Variants in DNAH17 observed in about 807,000 individuals in gnomAD.
The protein encoded by DNAH17 is axonemal beta dynein heavy chain 17.
Under a neutral mutation model 485.6 loss-of-function variants are expected in DNAH17, and 376 were observed. That is an observed-to-expected ratio of 0.77 (90% confidence interval 0.71 to 0.84). DNAH17 has a LOEUF of 0.84. DNAH17 is among the 40% of genes least tolerant of loss of function. DNAH17 has a pLI of 0.00. For synonymous variants in DNAH17, 3,031 were observed against 2,405.9 expected (o/e 1.26, Z -7.60); for missense variants, 6,370 against 5,839.3 (o/e 1.09, Z -2.96).
chr17:78,500,368 G>C lies in DNAH17; in HGVS notation c.5577C>G (p.Asp1859Glu). 6.2e-7 allele frequency: 1 copy of C among 1,612,444 alleles called. No individual in the cohort carries two copies. Among genetic ancestry groups the C allele is most frequent in the South Asian group, 1.1e-5 (1 of 90,774 alleles). Residue 1859 changes from aspartate (D) to glutamate (E), a missense_variant, in exon 36 of 81, where the codon GAC becomes GAG. Transcript: ENST00000389840. Reference protein sequence around the residue: ...AGTGKTETTKDLGRALGTMVY... With the variant: ...AGTGKTETTKELGRALGTMVY... Reference sequence around the variant, plus strand: ...CCATGGTGCCCAGGGCTCTGCCCAGGTCCTTGGTCGTCTCAGTCTTGCCGG... The same window carrying C: ...CCATGGTGCCCAGGGCTCTGCCCAGCTCCTTGGTCGTCTCAGTCTTGCCGG...
chr17:78,572,826 G>C lies in DNAH17; in HGVS notation c.414C>G (p.Ile138Met), dbSNP rs189292979. Residue 138 changes from isoleucine to methionine, a missense_variant, in exon 3 of 81, where the codon ATC becomes ATG. Coordinates refer to ENST00000389840, the MANE Select transcript of DNAH17 (RefSeq NM_173628.4). ...AGWPQVVSED[I>M]VKQVHRLKNE... Reference sequence around the variant, plus strand: ...TCTTCAGCCTGTGGACCTGCTTCACGATGTCTTCCGAGACCACCTGGGGCC... The same window carrying C: ...TCTTCAGCCTGTGGACCTGCTTCACCATGTCTTCCGAGACCACCTGGGGCC... The C allele has an allele frequency of 5.1e-4, 821 of 1,613,924 alleles. 2 individuals carry two copies. In the African/African-American group the frequency reaches 0.01, roughly 20 times the overall value.
rs189137994 is a variant in DNAH17 at position 78,502,667 on chromosome 17, G to A, written c.5114C>T (p.Thr1705Met). The A allele has an allele frequency of 6.7e-5, 108 of 1,612,502 alleles. No individual in the cohort carries two copies. The highest frequency in any genetic ancestry group is 8.5e-5 in the Non-Finnish European group (100 of 1,179,908). The change falls in exon 33 of 81, where the codon ACG becomes ATG. Residue 1705 changes from threonine (T) to methionine (M), a missense_variant. Coordinates refer to ENST00000389840, the MANE Select transcript of DNAH17 (RefSeq NM_173628.4). ...GGCAAATGCCAGGCCCACCTCGGTC[G>A]TCCACCAGATCTGGGTGCAAGTCAG... ...VALTCTQIWW[T>M]TEVGLAFARL...
rs1032380512 is a variant in DNAH17, at chr17:78,575,022, C to T, written c.36G>A (p.Leu12=). 3 of 1,613,816 alleles carry T rather than the reference C, an allele frequency of 1.9e-6. No individual in the cohort carries two copies. The African/African-American group carries it at 4.0e-5, about 22-fold the overall frequency. ...TMAPDVRLEY[L]EEVASIVLKF... is the part of the protein sequence containing the mutation. ...TCAGGACGATGGAGGCAACTTCCTC[C>T]AGATACTCTAGTCTGACGTCCGGGG... The change falls in exon 2 of 81, where the codon CTG becomes CTA. Residue 12 remains leucine (L), a synonymous_variant. Coordinates refer to ENST00000389840, the MANE Select transcript of DNAH17 (RefSeq NM_173628.4).
chr17:78,522,233 G>A (rs1006031929), intron 25 of DNAH17: 8 of 177,320 alleles, frequency 4.5e-5, no homozygotes, highest in Non-Finnish European at 8.3e-5. Flanking sequence ...CAGCTGAGCC[G>A]AGCCACGGCC....
intron 13 of DNAH17, among the ~76,000 whole-genome samples, 156 bp from the exon 14 acceptor site, chr17:78,558,410 G>A (rs942043942): frequency 6.7e-6 from 1 of 148,440 alleles, no homozygotes; most frequent in African/African-American, 2.5e-5. Context: ...GGACCAGGAC[G>A]TTTTCACCCT....
chr17:78,490,370 A>G (rs2089795074), intron 44 of DNAH17, among the ~76,000 whole-genome samples: 1 of 151,644 alleles, frequency 6.6e-6, no homozygotes, highest in African/African-American at 2.4e-5. Context: ...AGGCAGCCTG[A>G]CCCTTTGGAT....
At chr17:78,433,597 C>T (rs1182303964) in intron 75 of DNAH17, among the ~76,000 whole-genome samples, 1 of 152,190 alleles carries the variant, frequency 6.6e-6, no homozygotes, top group African/African-American at 2.4e-5. Context: ...TCTCTCCAGA[C>T]ACTGACAGAG....
chr17:78,426,825 C>G, intron 78 of DNAH17, 101 bp downstream of exon 78: 1 of 1,423,028 alleles, frequency 7.0e-7, no homozygotes, highest in Non-Finnish European at 9.6e-7. Flanking sequence ...CAGTACCATG[C>G]TGATCCGGGG....
chr17:78,435,315 C>T (rs967918782), intron 74 of DNAH17, among the ~76,000 whole-genome samples: 7 of 152,198 alleles, frequency 4.6e-5, no homozygotes, highest in African/African-American at 1.2e-4. Flanking sequence ...CCAGCCTACC[C>T]GCACTCAGGT....
chr17:78,539,408 C>A (rs555797756), intron 18 of DNAH17, among the ~76,000 whole-genome samples: 5 of 152,180 alleles, frequency 3.3e-5, no homozygotes, highest in South Asian at 4.2e-4. Context: ...GACCCTCCCC[C>A]CAATCCACAT....
In DNAH17 at chr17:78,539,862, T is replaced by A. The variant is rs1225725906; in HGVS notation, c.2551A>T (p.Arg851Trp). ...AMVAENAELF[R>W]ADTLSLPWKD... Reference sequence around the variant, plus strand: ...CAGGGCAGGCTCAGTGTGTCTGCCCTGAATAGTTCTGCGTTTTCCTGCAAA... The same window carrying A: ...CAGGGCAGGCTCAGTGTGTCTGCCCAGAATAGTTCTGCGTTTTCCTGCAAA... The change falls in exon 18 of 81, where the codon AGG (arginine) becomes TGG (tryptophan). Residue 851 changes from arginine (R) to tryptophan (W), a missense_variant. By Grantham distance (101) the Arg-to-Trp change is moderately radical. Transcript: ENST00000389840. The A allele has an allele frequency of 6.3e-7, 1 of 1,594,994 alleles. No individual in the cohort carries two copies. Among genetic ancestry groups the A allele is most frequent in the Admixed American group, 1.8e-5 (1 of 54,804 alleles).
intron 33 of DNAH17, chr17:78,502,233 T>A (rs1010001088): frequency 2.3e-5 from 8 of 351,766 alleles, no homozygotes; most frequent in Non-Finnish European, 4.1e-5. Flanking sequence ...TGCAGTGTCA[T>A]GCTTGGGTTG....
intron 69 of DNAH17, among the ~76,000 whole-genome samples, chr17:78,446,165 C>T (rs2087284597): frequency 1.5e-5 from 1 of 68,758 alleles, no homozygotes; most frequent in African/African-American, 5.8e-5. Context: ...CAGAGTGAGA[C>T]TCTGTCTCAA....
In DNAH17 at chr17:78,455,750, T is replaced by TC; in HGVS notation, c.10063dup (p.Asp3355GlyfsTer22). 1 of 1,613,308 alleles carries TC rather than the reference T, an allele frequency of 6.2e-7. No individual in the cohort carries two copies. Among genetic ancestry groups the TC allele is most frequent in the Non-Finnish European group, 8.5e-7 (1 of 1,179,644 alleles). On this transcript the variant is annotated frameshift_variant, in exon 63 of 81. Coordinates refer to ENST00000389840, the MANE Select transcript of DNAH17 (RefSeq NM_173628.4). LOFTEE classifies it high-confidence loss of function. ...CACGAAGGCAGAGATGAGCAGGACGTCCCCACACAGCGTGACCCCCTGGCT... is the reference window on the plus strand; with the variant it reads ...CACGAAGGCAGAGATGAGCAGGACGTCCCCCACACAGCGTGACCCCCTGGCT...
rs1008466785 is a variant in DNAH17, at chr17:78,545,873, T to A, written c.2392-1876A>T. ...ACTTGATTTTGTATGGTTAGCTAAA[T>A]ATATATTTTTGCCTCTAGTTGTTCT... On this transcript the variant is annotated intron_variant, in intron 16 of 80. Coordinates refer to ENST00000389840, the MANE Select transcript of DNAH17 (RefSeq NM_173628.4). Among the ~76,000 whole-genome samples, 12 of 152,338 alleles carry A rather than the reference T, an allele frequency of 7.9e-5. No individual in the cohort carries two copies. In the East Asian group the frequency reaches 2.1e-3, roughly 27 times the overall value.
intron 26 of DNAH17, among the ~76,000 whole-genome samples, chr17:78,511,210 C>T (rs374900726): frequency 4.1e-4 from 62 of 152,326 alleles, no homozygotes; most frequent in Admixed American, 3.1e-3. Context: ...CGGGTTCAAG[C>T]GATTCTCCTG....
rs115655460 is a variant in DNAH17, at chr17:78,571,538, G to A, written c.732+52C>T. On this transcript the variant is annotated intron_variant, in intron 4 of 80. Coordinates refer to ENST00000389840, the MANE Select transcript of DNAH17 (RefSeq NM_173628.4). The stretch of plus-strand genomic sequence containing the variant: ...CACTGGGAGGCGGAGAGCTCGGCCC[G>A]GTCGCCCAGCTGGGACGAGGCTGCA... 1.1e-3 allele frequency: 1,692 copies of A among 1,598,694 alleles called. 15 individuals carry two copies. The African/African-American group carries it at 0.016, about 15-fold the overall frequency.
chr17:78,516,691 GAAAAA>G (rs1168693263), intron 25 of DNAH17, among the ~76,000 whole-genome samples: 1 of 88,722 alleles, frequency 1.1e-5, no homozygotes, highest in Admixed American at 1.2e-4. Context: ...CTCCATCTCA[GAAAAA>G]AAAAAAAAAA....
At chr17:78,497,475 C>A (rs2090116141) in intron 37 of DNAH17, among the ~76,000 whole-genome samples, 1 of 152,200 alleles carries the variant, frequency 6.6e-6, no homozygotes, top group Non-Finnish European at 1.5e-5. Flanking sequence ...CTCCTGTGGT[C>A]TCCATTGGAG....
Sources: allele counts gnomAD v4.1 joint callset (sites outside exome capture counted in the v4.1 genomes callset), GRCh38; gene constraint gnomAD v4.1.1; transcripts MANE v1.5; gene names NCBI Gene and HGNC (gene_info 2026-07-23, HGNC 2026-07-21).